Variants in EPB41L1 observed in about 807,000 individuals in gnomAD.
EPB41L1 encodes the protein erythrocyte membrane protein band 4.1 like 1.
In EPB41L1, 29 loss-of-function variants were observed where a neutral mutation model predicts 97.8. That is an observed-to-expected ratio of 0.30 (90% CI 0.22 to 0.40). The LOEUF is 0.40. EPB41L1 is among the 10% of genes least tolerant of loss of function. The probability of loss-of-function intolerance (pLI) is 1.00; values close to 1 mark genes in which losing one functional copy is unlikely to be tolerated. For missense variants in EPB41L1, 812 were observed against 1,162.3 expected (o/e 0.70, Z 4.38); for synonymous variants, 383 against 459.2 (o/e 0.83, Z 2.12).
At chr20:36,106,236 C>T (rs866106489) in intron 1 of EPB41L1, among the ~76,000 whole-genome samples, 8 of 152,242 alleles carry the variant, frequency 5.3e-5, no homozygotes, top group East Asian at 1.9e-4. Flanking sequence ...CATGCCATGC[C>T]GTTCCGCTCT....
chr20:36,207,481 GA>G lies in EPB41L1; in HGVS notation c.1669-2004del. 7.8e-7 allele frequency: 1 copy of G among 1,289,852 alleles called. No homozygotes were observed. Among genetic ancestry groups the G allele is most frequent in the Non-Finnish European group, 1.0e-6 (1 of 988,876 alleles). The allele number at this position is 1,289,852 out of a possible 1,614,324, so 79.9% of individuals were successfully genotyped here. The stretch of plus-strand genomic sequence containing the variant: ...TCGGATATTTGAGACCCACGGAGCT[GA>G]AACTCGCCGAATGAGTGAGGGTGAA... On this transcript the variant is annotated intron_variant, in intron 14 of 21. Coordinates refer to ENST00000338074, the MANE Select transcript of EPB41L1 (RefSeq NM_012156.2). This position sits in a 1 kb window ranked among gnomAD's most constrained non-coding sequence, Gnocchi z 4.9.
Position 36,185,113 on chromosome 20 carries a change from C to G in EPB41L1, c.567-4C>G. On this transcript the variant is annotated splice_region_variant and splice_polypyrimidine_tract_variant and intron_variant, in intron 6 of 21. Transcript: ENST00000338074. ...TGCCCATGCTGGCTCTCCCCTATCT[C>G]CAGATACTACCTGTGCCTGCAGCTG... 1.2e-6 allele frequency: 2 copies of G among 1,612,160 alleles called. No homozygotes were observed. Among genetic ancestry groups the G allele is most frequent in the Non-Finnish European group, 1.7e-6 (2 of 1,180,004 alleles).
rs2059430995 is a variant in EPB41L1, at chr20:36,136,726, CA to C, written c.-10+24247del. 2.0e-5 allele frequency among the ~76,000 whole-genome samples: 3 copies of C among 151,306 alleles called. No individual in the cohort carries two copies. In the South Asian group the frequency reaches 6.2e-4, roughly 31 times the overall value. On this transcript the variant is annotated intron_variant, in intron 2 of 19. Transcript: ENST00000202028. ...TCAGCCTCCTGAGTAGCTGGGGCTA[CA>C]GGTGCATACCGTGGTACCTGACTAA...
chr20:36,155,848 C>G, intron 1 of EPB41L1: 1 of 350,978 alleles, frequency 2.8e-6, no homozygotes, highest in South Asian at 2.1e-5. Context: ...GTGAGACGGC[C>G]AGATTTAGGA....
At chr20:36,133,762 C>T (rs1011044489) in intron 2 of EPB41L1, among the ~76,000 whole-genome samples, 1 of 150,022 alleles carries the variant, frequency 6.7e-6, no homozygotes, top group Non-Finnish European at 1.5e-5. Flanking sequence ...GAGGCTGAGG[C>T]GGGAGGATCG....
chr20:36,105,426 G>A (rs189892947), intron 1 of EPB41L1, among the ~76,000 whole-genome samples: 6 of 152,298 alleles, frequency 3.9e-5, no homozygotes, highest in Admixed American at 3.3e-4. Context: ...CCCAGGGCAA[G>A]TCATCTTTTG....
intron 11 of EPB41L1, among the ~76,000 whole-genome samples, chr20:36,191,590 C>G (rs868405800): frequency 1.4e-4 from 21 of 152,266 alleles, no homozygotes; most frequent in Middle Eastern, 3.4e-3. Flanking sequence ...GATGTACACA[C>G]TAGAGTTTGT....
chr20:36,191,096 A>G (rs1856896903), intron 11 of EPB41L1, among the ~76,000 whole-genome samples: 1 of 151,714 alleles, frequency 6.6e-6, no homozygotes, highest in African/African-American at 2.4e-5. Context: ...CCACCTACCC[A>G]AGAAGCTTAG....
intron 14 of EPB41L1, chr20:36,208,421 C>T (rs1255519075): frequency 5.0e-6 from 2 of 402,466 alleles, no homozygotes; most frequent in South Asian, 1.8e-5. Flanking sequence ...CTCTGCAGCC[C>T]CTCTGTGCCC....
chr20:36,142,837 T>A (rs1031703104), intron 2 of EPB41L1, among the ~76,000 whole-genome samples: 5 of 152,170 alleles, frequency 3.3e-5, no homozygotes, highest in African/African-American at 9.7e-5. Context: ...GGCCTGGCAG[T>A]CTTGTCCCTG....
chr20:36,125,609 T>C (rs2058932547), intron 2 of EPB41L1: 14 of 1,512,310 alleles, frequency 9.3e-6, no homozygotes, highest in Non-Finnish European at 9.7e-6. Flanking sequence ...TGAAACACTT[T>C]GGAGTGGCAG....
intron 8 of EPB41L1, 139 bp downstream of exon 8, chr20:36,187,902 G>A (rs958040720): frequency 1.7e-5 from 13 of 758,668 alleles, no homozygotes; most frequent in East Asian, 1.1e-4. Flanking sequence ...CTCATTTCTC[G>A]AAGTTCCATA....
At chr20:36,101,293 T>C (rs112987039) in intron 1 of EPB41L1, among the ~76,000 whole-genome samples, 3,074 of 151,910 alleles carry the variant, frequency 0.02, 111 homozygotes, top group African/African-American at 0.071. Context: ...GAGGGAGGAA[T>C]AGGAAACCTG....
chr20:36,222,050 A>T, intron 20 of EPB41L1, 106 bp downstream of exon 20: 2 of 1,253,194 alleles, frequency 1.6e-6, no homozygotes, highest in Non-Finnish European at 2.3e-6. Flanking sequence ...GAAGGTGTCC[A>T]CTTCTTGCTG....
chr20:36,173,635 C>T, intron 1 of EPB41L1, 129 bp from the exon 2 acceptor site: 1 of 830,726 alleles, frequency 1.2e-6, no homozygotes, highest in Non-Finnish European at 2.1e-6. Context: ...TCCCTTCCTC[C>T]TCCCTTTGCC....
At position 36,229,449 on chromosome 20, in the gene EPB41L1, C is replaced by T. The variant is rs547141968; in HGVS notation, c.*109C>T. On this transcript the variant is annotated 3_prime_UTR_variant, in exon 22 of 22. Transcript: ENST00000338074. ...CGCAACACTGACGTCCCAGCTGCGA[C>T]GTACTGTCACTGATGAGAGACTGGG... is the stretch of plus-strand genomic sequence containing the variant. 1.3e-4 allele frequency: 128 copies of T among 1,013,454 alleles called. No homozygotes were observed. Among genetic ancestry groups the T allele is most frequent in the South Asian group, 6.6e-4 (52 of 78,398 alleles). 62.8% of individuals were successfully genotyped at this position (1,013,454 alleles called of 1,614,324 possible).
intron 1 of EPB41L1, among the ~76,000 whole-genome samples, chr20:36,101,450 G>A (rs1267167305): frequency 6.6e-6 from 1 of 152,098 alleles, no homozygotes; most frequent in Non-Finnish European, 1.5e-5. Context: ...TGGTCAGCCT[G>A]GCTCAGCCCA....
intron 2 of EPB41L1, among the ~76,000 whole-genome samples, chr20:36,141,754 C>T (rs2059647151): frequency 6.6e-6 from 1 of 152,160 alleles, no homozygotes; most frequent in South Asian, 2.1e-4. Flanking sequence ...CGTCTGGTAA[C>T]ATGTTTTAAA....
rs889326357 is a variant in EPB41L1, at chr20:36,209,358, C to T, written c.1669-130C>T. The T allele has an allele frequency of 1.8e-5, 13 of 724,520 alleles. No individual in the cohort carries two copies. Among genetic ancestry groups the T allele is most frequent in the Non-Finnish European group, 2.2e-5 (11 of 501,490 alleles). The allele number at this position is 724,520 out of a possible 1,614,324, so 44.9% of individuals were successfully genotyped here. ...ACCTTTCCTGGGGTGTTTTTCATTT[C>T]CTGGCCTGCTCTTCCATTCAGGATG... On this transcript the variant is annotated intron_variant, in intron 14 of 21. Coordinates refer to ENST00000338074, the MANE Select transcript of EPB41L1 (RefSeq NM_012156.2). The surrounding 1 kb of genome is among the most constrained non-coding windows in gnomAD (Gnocchi z 4.2).
Sources: allele counts gnomAD v4.1 joint callset (sites outside exome capture counted in the v4.1 genomes callset), GRCh38; gene constraint gnomAD v4.1.1; non-coding constraint Gnocchi (gnomAD v3.1); transcripts MANE v1.5; gene names NCBI Gene and HGNC (gene_info 2026-07-23, HGNC 2026-07-21).